The following PRKCB variants were observed in gnomAD, a reference collection of about 807,000 sequenced individuals.
PRKCB encodes protein kinase C beta type.
In PRKCB, 13 loss-of-function variants were observed where a neutral mutation model predicts 81.5. That is an observed-to-expected ratio of 0.16 (90% CI 0.10 to 0.25). The LOEUF (loss-of-function observed/expected upper bound fraction) is 0.25. Ranked by LOEUF, PRKCB falls within the 10% of genes least tolerant of loss-of-function variation. PRKCB has a pLI of 1.00. For synonymous variants in PRKCB, 335 were observed against 321.4 expected (o/e 1.04, Z -0.45); for missense variants, 509 against 875.7 (o/e 0.58, Z 5.29).
rs1968227363 is a variant in PRKCB at position 24,216,306 on chromosome 16, C to T, written c.*1490C>T. The stretch of plus-strand genomic sequence containing the variant: ...CTTGATTTTCTTATCAAAATCACCA[C>T]TCCTCCCAGCTTGGACTAAATATTC... On this transcript the variant is annotated 3_prime_UTR_variant, in exon 17 of 17. Coordinates refer to ENST00000643927, the MANE Select transcript of PRKCB (RefSeq NM_002738.7). 1 of 985,310 alleles carries T rather than the reference C, an allele frequency of 1.0e-6. No homozygotes were observed. Among genetic ancestry groups the T allele is most frequent in the Admixed American group, 6.1e-5 (1 of 16,270 alleles). 61.0% of individuals were successfully genotyped at this position (985,310 alleles called of 1,614,324 possible). A position where few individuals can be genotyped will look rare whatever the true frequency, so the allele number is the denominator to read the frequency against.
intron 2 of PRKCB, among the ~76,000 whole-genome samples, chr16:23,973,672 A>G (rs1315525135): frequency 2.6e-5 from 4 of 151,602 alleles, no homozygotes; most frequent in Admixed American, 2.0e-4. Flanking sequence ...AATCCCCAAG[A>G]AAATAATATA....
intron 8 of PRKCB, among the ~76,000 whole-genome samples, chr16:24,121,496 G>A (rs11074607): frequency 0.32 from 48,205 of 151,998 alleles, 8,424 homozygotes; most frequent in East Asian, 0.72. Flanking sequence ...CCTGCCTTAA[G>A]CCTCCCAAGT....
intron 16 of PRKCB, among the ~76,000 whole-genome samples, chr16:24,214,202 G>A (rs141203262): frequency 6.6e-6 from 1 of 152,310 alleles, no homozygotes; most frequent in African/African-American, 2.4e-5. Flanking sequence ...GGGGTCTGCT[G>A]CTATAAATAC....
intron 3 of PRKCB, among the ~76,000 whole-genome samples, chr16:24,011,326 C>A (rs1965200154): frequency 6.6e-6 from 1 of 152,096 alleles, no homozygotes; most frequent in South Asian, 2.1e-4. Flanking sequence ...GATTTTATCC[C>A]ATTTTTAAAC....
At chr16:23,900,671 A>G (rs1963455556) in intron 2 of PRKCB, among the ~76,000 whole-genome samples, 1 of 135,026 alleles carries the variant, frequency 7.4e-6, no homozygotes, top group Non-Finnish European at 1.5e-5. Flanking sequence ...AGATATTTTC[A>G]TATCAGCGCA....
intron 2 of PRKCB, among the ~76,000 whole-genome samples, chr16:23,923,658 A>G (rs970184214): frequency 2.6e-5 from 4 of 152,202 alleles, no homozygotes; most frequent in Non-Finnish European, 5.9e-5. Flanking sequence ...GTGACTGTCC[A>G]ATCTTCAGTT....
intron 2 of PRKCB, among the ~76,000 whole-genome samples, chr16:23,916,587 A>G (rs1418380885): frequency 6.6e-6 from 1 of 152,140 alleles, no homozygotes; most frequent in East Asian, 1.9e-4. Context: ...TTCAACTAAT[A>G]ATACCAATTT....
At chr16:23,917,507 G>A (rs1416959710) in intron 2 of PRKCB, among the ~76,000 whole-genome samples, 1 of 152,316 alleles carries the variant, frequency 6.6e-6, no homozygotes, top group East Asian at 1.9e-4. Context: ...ATATGACCTG[G>A]CCTGGGGTGA....
At chr16:23,937,396 C>T (rs188058598) in intron 2 of PRKCB, among the ~76,000 whole-genome samples, 17 of 152,308 alleles carry the variant, frequency 1.1e-4, no homozygotes, top group Non-Finnish European at 2.1e-4. Flanking sequence ...CTGCCATGAA[C>T]ATTGCAAGCT....
chr16:24,061,222 A>G (rs1567360750), intron 5 of PRKCB, among the ~76,000 whole-genome samples: 1 of 152,040 alleles, frequency 6.6e-6, no homozygotes, highest in Admixed American at 6.6e-5. Context: ...CACCACACCC[A>G]GCTAATTTTT....
intron 2 of PRKCB, among the ~76,000 whole-genome samples, chr16:23,925,458 G>A (rs1286387616): frequency 2.6e-5 from 4 of 151,950 alleles, no homozygotes; most frequent in Non-Finnish European, 5.9e-5. Context: ...TGTTCTTAAG[G>A]TTGGCCGTTT....
At chr16:24,008,507 C>T (rs1047482803) in intron 3 of PRKCB, among the ~76,000 whole-genome samples, 18 of 152,144 alleles carry the variant, frequency 1.2e-4, no homozygotes, top group Admixed American at 6.5e-4. Flanking sequence ...GTTTATTGTA[C>T]GGGAAAAGTG....
chr16:24,145,177 T>G (rs1362197271), intron 9 of PRKCB, among the ~76,000 whole-genome samples: 1 of 152,106 alleles, frequency 6.6e-6, no homozygotes, highest in Non-Finnish European at 1.5e-5. Context: ...GCAGTGATTC[T>G]GAGAGGTGAG....
chr16:24,153,600 C>G (rs1967110126), intron 9 of PRKCB, among the ~76,000 whole-genome samples: 2 of 152,306 alleles, frequency 1.3e-5, no homozygotes, highest in East Asian at 1.9e-4. Flanking sequence ...GGTCATTGTT[C>G]TGTCTGGCAT....
chr16:24,097,459 G>T (rs578201694), intron 7 of PRKCB, among the ~76,000 whole-genome samples: 63 of 152,288 alleles, frequency 4.1e-4, no homozygotes, highest in Middle Eastern at 6.8e-3. Flanking sequence ...GTGGGTTGGG[G>T]AGATAAACAT....
At chr16:23,893,022 C>G in intron 2 of PRKCB, 1 of 152,052 alleles carries the variant, frequency 6.6e-6, no homozygotes. Context: ...CTTACAATGG[C>G]CCTCATGCTT....
chr16:23,838,080 C>A (rs537534184), intron 2 of PRKCB, among the ~76,000 whole-genome samples: 1 of 152,188 alleles, frequency 6.6e-6, no homozygotes, highest in Non-Finnish European at 1.5e-5. Flanking sequence ...GAGTTGATCA[C>A]GTGTAAAGTG....
At position 24,154,529 on chromosome 16, in the gene PRKCB, A is replaced by G. The variant is rs111706737; in HGVS notation, c.1066-155A>G. On this transcript the variant is annotated intron_variant, in intron 9 of 16. Coordinates refer to ENST00000643927, the MANE Select transcript of PRKCB (RefSeq NM_002738.7). ...GCAAGACCCTGTGTCTGAAAATATA[A>G]AAGTGTGAAGTCAATAGAAAACATT... 5.8e-3 allele frequency among the ~76,000 whole-genome samples: 881 copies of G among 152,198 alleles called. 8 individuals are homozygous for G. The highest frequency in any genetic ancestry group is 0.02 in the African/African-American group (822 of 41,522).
intron 5 of PRKCB, among the ~76,000 whole-genome samples, chr16:24,061,962 C>T (rs542852046): frequency 1.2e-3 from 174 of 150,526 alleles, no homozygotes; most frequent in African/African-American, 4.2e-3. Context: ...TTGAAAATGC[C>T]CATGTTGTTG....
Sources: gnomAD v4.1 joint callset for allele counts (sites outside exome capture counted in the v4.1 genomes callset) on GRCh38, gnomAD v4.1.1 for gene constraint, MANE v1.5 for transcripts, NCBI Gene and HGNC (gene_info 2026-07-23, HGNC 2026-07-21) for gene names.